The following GNS variants were observed in gnomAD, a reference collection of about 807,000 sequenced individuals.
GNS encodes the protein N-acetylglucosamine-6-sulfatase.
GNS carries 40 observed loss-of-function variants against 69.7 expected under a neutral mutation model. That is an observed-to-expected ratio of 0.57 (90% CI 0.45 to 0.75). GNS has a LOEUF of 0.75. Among genes scored for constraint, GNS ranks in the 30% least tolerant of loss-of-function variants. The probability of loss-of-function intolerance (pLI) is 0.00; values close to 1 mark genes in which losing one functional copy is unlikely to be tolerated. For synonymous variants in GNS, 243 were observed against 251.6 expected (o/e 0.97, Z 0.32); for missense variants, 565 against 685.5 (o/e 0.82, Z 1.96).
At chr12:64,756,738 T>C (rs567305137) in intron 1 of GNS, 35 of 1,503,402 alleles carry the variant, frequency 2.3e-5, no homozygotes, top group Non-Finnish European at 2.9e-5. Flanking sequence ...GTTTGACAAT[T>C]AGTGGTAGAA....
intron 6 of GNS, among the ~76,000 whole-genome samples, chr12:64,742,090 G>A (rs752685821): frequency 2.6e-5 from 4 of 151,738 alleles, no homozygotes; most frequent in African/African-American, 7.3e-5. Context: ...GTGCGATCTC[G>A]GCTCACGGCA....
At chr12:64,731,310 C>G (rs1221417488) in intron 9 of GNS, among the ~76,000 whole-genome samples, 1 of 152,198 alleles carries the variant, frequency 6.6e-6, no homozygotes, top group South Asian at 2.1e-4. Flanking sequence ...CTTCTGAATT[C>G]AAGTGATCCG....
rs113509837 is a variant in GNS at position 64,758,171 on chromosome 12, T to C, written c.192+914A>G. ...AAGTCTTGTGACAACACCCATTAGA[T>C]AGAAAATGAAACACTGACAGTCTCT... On this transcript the variant is annotated intron_variant, in intron 1 of 13. Coordinates refer to ENST00000258145, the MANE Select transcript of GNS (RefSeq NM_002076.4). Among the ~76,000 whole-genome samples, 19 of 152,234 alleles carry C rather than the reference T, an allele frequency of 1.2e-4. 2 individuals carry two copies. Among genetic ancestry groups the C allele is most frequent in the African/African-American group, 4.3e-4 (18 of 41,534 alleles).
rs201654719 is a variant in GNS at position 64,747,927 on chromosome 12, GA to G, written c.253-10del. 0.011 allele frequency: 17,480 copies of G among 1,520,938 alleles called. 131 individuals carry two copies. Among genetic ancestry groups the G allele is most frequent in the Middle Eastern group, 0.018 (105 of 5,850 alleles). 94.2% of individuals were successfully genotyped at this position (1,520,938 alleles called of 1,614,324 possible). A position where few individuals can be genotyped will look rare whatever the true frequency, so the allele number is the denominator to read the frequency against. ...AGAGCACTTGGCACATACTACAAAGGAAAGGAAGCAAAAACGACAAAGTCAC... is the reference window on the plus strand; with the variant it reads ...AGAGCACTTGGCACATACTACAAAGGAAGGAAGCAAAAACGACAAAGTCAC... On this transcript the variant is annotated splice_polypyrimidine_tract_variant and intron_variant, in intron 2 of 13. Coordinates refer to ENST00000258145, the MANE Select transcript of GNS (RefSeq NM_002076.4).
At position 64,716,669 on chromosome 12, in the gene GNS, C is replaced by T. The variant is rs1012342438; in HGVS notation, c.*72G>A. ...CAGGTGTGGTCTTGAAGACTAGCTA[C>T]AGACACCTACTACAATCACTTCATC... On this transcript the variant is annotated 3_prime_UTR_variant, in exon 14 of 14. Coordinates refer to ENST00000258145, the MANE Select transcript of GNS (RefSeq NM_002076.4). 4 of 1,011,354 alleles carry T rather than the reference C, an allele frequency of 4.0e-6. No homozygotes were observed. In the Admixed American group the frequency reaches 5.3e-5, roughly 13 times the overall value. 62.6% of individuals were successfully genotyped at this position (1,011,354 alleles called of 1,614,324 possible). A position where few individuals can be genotyped will look rare whatever the true frequency, so the allele number is the denominator to read the frequency against.
In GNS at chr12:64,747,822, TC is replaced by T; in HGVS notation, c.348del (p.Asn117ThrfsTer35). 6.2e-7 allele frequency: 1 copy of T among 1,605,732 alleles called. No individual in the cohort carries two copies. Among genetic ancestry groups the T allele is most frequent in the Non-Finnish European group, 8.5e-7 (1 of 1,172,242 alleles). On this transcript the variant is annotated frameshift_variant, in exon 3 of 14. Transcript: ENST00000258145. LOFTEE classifies it high-confidence loss of function. ...NHHVVNNTLE[G>X]NCSSKSWQKI... Reference sequence around the variant, plus strand: ...TTCTGCCAGGACTTACTACTGCAGTTCCCCTCCAGAGTGTTGTTCACAACGT... The same window carrying T: ...TTCTGCCAGGACTTACTACTGCAGTTCCCTCCAGAGTGTTGTTCACAACGT...
chr12:64,751,951 C>CAA lies in GNS; in HGVS notation c.252+745_252+746dup, dbSNP rs570528616. 8.8e-4 allele frequency among the ~76,000 whole-genome samples: 57 copies of CAA among 64,746 alleles called. 1 individual carries two copies. Among genetic ancestry groups the CAA allele is most frequent in the Middle Eastern group, 9.8e-3 (1 of 102 alleles). The allele number at this position is 64,746 out of a possible 152,430, so 42.5% of individuals were successfully genotyped here. ...TGCAGTGAGTCGAGATTGCGCCACT[C>CAA]AAAAAAAAAAAAAAAAAAAGAAGAA... is the stretch of plus-strand genomic sequence containing the variant. On this transcript the variant is annotated intron_variant, in intron 2 of 13. Coordinates refer to ENST00000258145, the MANE Select transcript of GNS (RefSeq NM_002076.4).
At chr12:64,728,836 CA>C (rs1869292868) in intron 10 of GNS, 119 bp downstream of exon 10, 5 of 667,954 alleles carry the variant, frequency 7.5e-6, no homozygotes, top group Non-Finnish European at 1.4e-5. Flanking sequence ...TCCTTCCCAT[CA>C]CAAGATTTTC....
At position 64,721,621 on chromosome 12, in the gene GNS, G is replaced by A; in HGVS notation, c.1393C>T (p.Gln465Ter). Residue 465 changes from glutamine (Q) to a stop codon, truncating the protein, a stop_gained, in exon 12 of 14, where the codon CAG becomes TAG. Coordinates refer to ENST00000258145, the MANE Select transcript of GNS (RefSeq NM_002076.4). LOFTEE classifies it high-confidence loss of function. ...VRTMSALWNL[Q>*]YCEFDDQEVF... The stretch of plus-strand genomic sequence containing the variant: ...TCCTGGTCATCAAACTCGCAATACT[G>A]CAAATTCCACAATGCTGACATTGTC... 1 of 1,576,340 alleles carries A rather than the reference G, an allele frequency of 6.3e-7. No individual in the cohort carries two copies. The highest frequency in any genetic ancestry group is 8.7e-7 in the Non-Finnish European group (1 of 1,145,544).
chr12:64,741,998 T>C (rs746809535), intron 6 of GNS, among the ~76,000 whole-genome samples: 1 of 151,900 alleles, frequency 6.6e-6, no homozygotes, highest in Admixed American at 6.6e-5. Context: ...TTTATTTTAT[T>C]TTATCTTATC....
intron 10 of GNS, among the ~76,000 whole-genome samples, chr12:64,726,686 G>A (rs1869212200): frequency 6.6e-6 from 1 of 151,988 alleles, no homozygotes; most frequent in South Asian, 2.1e-4. Context: ...TGTAGAGACT[G>A]GGTCTTGCCA....
intron 12 of GNS, 78 bp from the exon 13 acceptor site, chr12:64,720,260 C>A: frequency 1.0e-6 from 1 of 953,646 alleles, no homozygotes; most frequent in Non-Finnish European, 1.7e-6. Flanking sequence ...TGACTTATTT[C>A]TAAAGGGGAA....
At chr12:64,738,200 G>A (rs1238124950) in intron 8 of GNS, among the ~76,000 whole-genome samples, 1 of 152,248 alleles carries the variant, frequency 6.6e-6, no homozygotes, top group African/African-American at 2.4e-5. Context: ...AGTAGAGAAA[G>A]AGTTATGCCA....
intron 3 of GNS, chr12:64,746,029 A>G: frequency 4.6e-6 from 2 of 436,270 alleles, no homozygotes; most frequent in Admixed American, 7.4e-5. Context: ...GAAATGTGAC[A>G]ATTACATAAA....
chr12:64,733,057 T>C (rs1050353404), intron 9 of GNS, among the ~76,000 whole-genome samples: 2 of 151,882 alleles, frequency 1.3e-5, no homozygotes, highest in Admixed American at 1.3e-4. Flanking sequence ...GGCTGATTGC[T>C]TGAGCCCAGG....
At position 64,747,876 on chromosome 12, in the gene GNS, G is replaced by A. The variant is rs772243805; in HGVS notation, c.295C>T (p.Leu99=). 6.2e-7 allele frequency: 1 copy of A among 1,611,592 alleles called. No homozygotes were observed. Among genetic ancestry groups the A allele is most frequent in the South Asian group, 1.1e-5 (1 of 91,046 alleles). The stretch of plus-strand genomic sequence containing the variant: ...TGATTATGTGGGTACTTTCCTGTCA[G>A]GATACTGGCTCTGCTGGGGCAGCAG... ...ALCCPSRASI[L]TGKYPHNHHV... is the part of the protein sequence containing the mutation. Residue 99 remains leucine (L), a synonymous_variant, in exon 3 of 14, where the codon CTG becomes TTG. Coordinates refer to ENST00000258145, the MANE Select transcript of GNS (RefSeq NM_002076.4).
At chr12:64,737,138 A>G in intron 8 of GNS, 31 bp from the exon 9 acceptor site, 1 of 1,090,782 alleles carries the variant, frequency 9.2e-7, no homozygotes, top group Non-Finnish European at 1.4e-6. Context: ...GTAAAGATGG[A>G]GCCAAGACAG....
intron 10 of GNS, among the ~76,000 whole-genome samples, chr12:64,725,214 G>A (rs1869157571): frequency 6.6e-6 from 1 of 152,134 alleles, no homozygotes; most frequent in South Asian, 2.1e-4. Context: ...AACTTTTTTT[G>A]TAAAAGGCCA....
intron 9 of GNS, among the ~76,000 whole-genome samples, chr12:64,734,771 G>T (rs1454268863): frequency 6.6e-6 from 1 of 152,162 alleles, no homozygotes; most frequent in East Asian, 1.9e-4. Context: ...GACCACTGCA[G>T]CTTAAATATC....
Sources: gnomAD v4.1 joint callset for allele counts (sites outside exome capture counted in the v4.1 genomes callset) on GRCh38, gnomAD v4.1.1 for gene constraint, MANE v1.5 for transcripts, NCBI Gene and HGNC (gene_info 2026-07-23, HGNC 2026-07-21) for gene names.